Variants in RAPGEF2 observed in about 807,000 individuals in gnomAD.
RAPGEF2 encodes the protein PDZ domain containing guanine nucleotide exchange factor (GEF) 1.
RAPGEF2 carries 54 observed loss-of-function variants against 186.7 expected under a neutral mutation model. The ratio of observed to expected loss-of-function variants is 0.29; its 90% CI spans 0.23 to 0.36. The LOEUF (loss-of-function observed/expected upper bound fraction) is 0.36, where lower values mean the gene tolerates loss of function less well. Ranked by LOEUF, RAPGEF2 falls within the 10% of genes least tolerant of loss-of-function variation. The pLI is 1.00. For synonymous variants in RAPGEF2, 712 were observed against 705.9 expected (o/e 1.01, Z -0.14); for missense variants, 1,532 against 2,045.0 (o/e 0.75, Z 4.84).
At chr4:159,166,641 T>TA (rs1351171276) in intron 1 of RAPGEF2, among the ~76,000 whole-genome samples, 1 of 152,134 alleles carries the variant, frequency 6.6e-6, no homozygotes, top group Admixed American at 6.5e-5. Context: ...AAAAGAGGTA[T>TA]AGGGTATGGT....
chr4:159,186,196 G>A (rs1747537939), intron 1 of RAPGEF2, among the ~76,000 whole-genome samples: 1 of 151,132 alleles, frequency 6.6e-6, no homozygotes, highest in Non-Finnish European at 1.5e-5. Context: ...ATGTAATTTT[G>A]GTAAGAATTG....
At chr4:159,197,434 C>CAT (rs1228990669) in intron 3 of RAPGEF2, among the ~76,000 whole-genome samples, 1 of 152,004 alleles carries the variant, frequency 6.6e-6, no homozygotes, top group African/African-American at 2.4e-5. Context: ...TCCACACACA[C>CAT]ACACGCCCAC....
At chr4:159,258,319 G>A (rs1000458963) in intron 7 of RAPGEF2, among the ~76,000 whole-genome samples, 1 of 152,142 alleles carries the variant, frequency 6.6e-6, no homozygotes, top group Non-Finnish European at 1.5e-5. Context: ...AACTCATGTG[G>A]CTGTATTGGT....
chr4:159,245,987 A>C (rs10007988), intron 7 of RAPGEF2, among the ~76,000 whole-genome samples: 40,425 of 151,960 alleles, frequency 0.27, 6,249 homozygotes, highest in African/African-American at 0.42. Context: ...CTACTTACCC[A>C]AAAATATGGC....
intron 3 of RAPGEF2, among the ~76,000 whole-genome samples, chr4:159,204,819 G>C (rs1370230770): frequency 6.6e-6 from 1 of 152,122 alleles, no homozygotes; most frequent in Non-Finnish European, 1.5e-5. Flanking sequence ...TCTTCTGTAA[G>C]CGTGAATTCC....
intron 7 of RAPGEF2, among the ~76,000 whole-genome samples, chr4:159,292,678 A>C (rs72967720): frequency 0.088 from 13,328 of 152,186 alleles, 1,946 homozygotes; most frequent in African/African-American, 0.3. Context: ...TGGTCAGCCT[A>C]TTCAATAAAT....
At chr4:159,213,534 G>A (rs2111380072) in intron 4 of RAPGEF2, among the ~76,000 whole-genome samples, 1 of 152,274 alleles carries the variant, frequency 6.6e-6, no homozygotes, top group East Asian at 1.9e-4. Flanking sequence ...TTATGAAATT[G>A]TTTTGACACA....
intron 4 of RAPGEF2, among the ~76,000 whole-genome samples, chr4:159,222,600 A>G (rs865932572): frequency 1.3e-5 from 2 of 152,300 alleles, no homozygotes; most frequent in Middle Eastern, 3.4e-3. Context: ...ACCCACTGCT[A>G]AGTGCTAAGG....
chr4:159,215,222 G>C (rs1405765635), intron 4 of RAPGEF2, among the ~76,000 whole-genome samples: 3 of 152,118 alleles, frequency 2.0e-5, no homozygotes, highest in Admixed American at 6.6e-5. Context: ...ATCTGGGCTT[G>C]AGTGCAGTGG....
intron 7 of RAPGEF2, among the ~76,000 whole-genome samples, chr4:159,284,909 G>A (rs542550323): frequency 1.9e-4 from 29 of 152,152 alleles, no homozygotes; most frequent in South Asian, 8.3e-4. Context: ...AAAAATTAGC[G>A]GGGCGTGGTG....
intron 20 of RAPGEF2, among the ~76,000 whole-genome samples, chr4:159,342,616 A>ATTTTATCTTATGTTATGTTATG (rs1554041277): frequency 8.4e-6 from 1 of 118,422 alleles, no homozygotes; most frequent in African/African-American, 3.2e-5. Context: ...ATTTTATTTT[A>ATTTTATCTTATGTTATGTTATG]TTACTAGAGG....
Position 159,210,289 on chromosome 4 carries a change from A to G in RAPGEF2, c.198-211A>G, listed in dbSNP as rs1299662174. Among the ~76,000 whole-genome samples the G allele has an allele frequency of 2.0e-5, 3 of 152,234 alleles. No individual in the cohort carries two copies. The East Asian group carries it at 5.8e-4, about 29-fold the overall frequency. The stretch of plus-strand genomic sequence containing the variant: ...AGGAACATTTGAAACATTTAAATGT[A>G]CTGATAAATATATTTGGTGTATTTC... On this transcript the variant is annotated intron_variant, in intron 3 of 29. Transcript: ENST00000691494.
rs2111372569 is a variant in RAPGEF2, at chr4:159,359,947, C to A, written c.*1808C>A. On this transcript the variant is annotated 3_prime_UTR_variant, in exon 30 of 30. Coordinates refer to ENST00000691494, the MANE Select transcript of RAPGEF2 (RefSeq NM_001394067.2). ...TGTCAAGTGCAGAATGTACAATTAA[C>A]TGGTGATTTCCTCATACTTTTGATA... is the stretch of plus-strand genomic sequence containing the variant. The A allele has an allele frequency of 6.6e-6, 1 of 152,300 alleles. No individual in the cohort carries two copies. The highest frequency in any genetic ancestry group is 1.5e-5 in the Non-Finnish European group (1 of 68,026). 9.4% of individuals were successfully genotyped at this position (152,300 alleles called of 1,614,324 possible).
chr4:159,240,331 C>CTTTTTTTTTTTTTTTTTTTTTT, intron 5 of RAPGEF2, among the ~76,000 whole-genome samples: 4 of 77,610 alleles, frequency 5.2e-5, no homozygotes, highest in African/African-American at 2.2e-4. Context: ...AGCATTTCTA[C>CTTTTTTTTTTTTTTTTTTTTTT]TTTTTTTTTT....
intron 11 of RAPGEF2, chr4:159,327,562 C>G (rs1420965471): frequency 6.6e-6 from 1 of 151,670 alleles, no homozygotes; most frequent in African/African-American, 2.4e-5. Flanking sequence ...GAGGCTGAAG[C>G]AGGAGAATCA....
chr4:159,143,817 T>C (rs1460235009), intron 1 of RAPGEF2, among the ~76,000 whole-genome samples: 1 of 152,186 alleles, frequency 6.6e-6, no homozygotes, highest in African/African-American at 2.4e-5. Context: ...ACAGATCATA[T>C]TGCCATGGAG....
rs774203050 is a variant in RAPGEF2, at chr4:159,355,904, T to C, written c.4703T>C (p.Ile1568Thr). 1.2e-5 allele frequency: 6 copies of C among 517,478 alleles called. No homozygotes were observed. Among genetic ancestry groups the C allele is most frequent in the East Asian group, 1.4e-4 (2 of 13,954 alleles). The allele number at this position is 517,478 out of a possible 1,614,324, so 32.1% of individuals were successfully genotyped here. A position where few individuals can be genotyped will look rare whatever the true frequency, so the allele number is the denominator to read the frequency against. Reference sequence around the variant, plus strand: ...CCCCCGCCCACCCCTCCCGGCTACATTGGAATTCCCATTACTGACTTTCCA... The same window carrying C: ...CCCCCGCCCACCCCTCCCGGCTACACTGGAATTCCCATTACTGACTTTCCA... ...REPPPTPPGY[I>T]GIPITDFPEG... The change falls in exon 29 of 30, where the codon ATT becomes ACT. Residue 1568 changes from isoleucine (I) to threonine (T), a missense_variant. By Grantham distance (89) the Ile-to-Thr change is moderately conservative (BLOSUM62 -1). Around this residue, in one of 4 missense-constraint regions of RAPGEF2, gnomAD observed 594 missense variants for 608.5 expected, o/e 0.98. Transcript: ENST00000691494.
chr4:159,277,704 G>T (rs1759101412), intron 7 of RAPGEF2, among the ~76,000 whole-genome samples: 2 of 152,236 alleles, frequency 1.3e-5, no homozygotes, highest in African/African-American at 2.4e-5. Flanking sequence ...TCACATATCT[G>T]TTGGCTGCAT....
At chr4:159,230,666 G>T (rs1170776139) in intron 4 of RAPGEF2, among the ~76,000 whole-genome samples, 1 of 152,076 alleles carries the variant, frequency 6.6e-6, no homozygotes, top group Non-Finnish European at 1.5e-5. Flanking sequence ...GCTCTTTATG[G>T]TCATTTGTAA....
Sources: allele counts gnomAD v4.1 joint callset (sites outside exome capture counted in the v4.1 genomes callset), GRCh38; gene constraint gnomAD v4.1.1; regional missense constraint gnomAD v4.1.1; transcripts MANE v1.5; gene names NCBI Gene and HGNC (gene_info 2026-07-23, HGNC 2026-07-21).